BLOC1S5: variants seen among roughly 807,000 people sequenced by gnomAD.
BLOC1S5 encodes the protein biogenesis of lysosome-related organelles complex 1 subunit 5.
BLOC1S5 carries 27 observed loss-of-function variants against 24.3 expected under a neutral mutation model. The observed-to-expected ratio is 1.11, with a 90% CI of 0.82 to 1.53. The LOEUF (loss-of-function observed/expected upper bound fraction) is 1.53. Ranked by LOEUF, BLOC1S5 falls within the 40% of genes most tolerant of loss-of-function variation. The probability of loss-of-function intolerance (pLI) is 0.00; values close to 1 mark genes in which losing one functional copy is unlikely to be tolerated. For synonymous variants in BLOC1S5, 84 were observed against 74.5 expected (o/e 1.13, Z -0.66); for missense variants, 239 against 229.4 (o/e 1.04, Z -0.27).
intron 3 of BLOC1S5, among the ~76,000 whole-genome samples, chr6:8,038,883 C>A (rs1044225148): frequency 6.6e-6 from 1 of 152,156 alleles, no homozygotes; most frequent in Non-Finnish European, 1.5e-5. Flanking sequence ...TAAATTAGTA[C>A]AACCACTATG....
At chr6:8,061,168 C>T (rs918983771) in intron 2 of BLOC1S5, among the ~76,000 whole-genome samples, 8 of 152,090 alleles carry the variant, frequency 5.3e-5, no homozygotes, top group Admixed American at 1.3e-4. Context: ...CTTTACACAG[C>T]ACGGTAAAGG....
chr6:8,017,053 G>A (rs1354446698), intron 4 of BLOC1S5, among the ~76,000 whole-genome samples: 1 of 151,874 alleles, frequency 6.6e-6, no homozygotes, highest in African/African-American at 2.4e-5. Flanking sequence ...TAGATAAAAT[G>A]CTGTATAAAT....
At chr6:8,016,476 G>T (rs1171044778) in intron 4 of BLOC1S5, among the ~76,000 whole-genome samples, 1 of 151,954 alleles carries the variant, frequency 6.6e-6, no homozygotes, top group Non-Finnish European at 1.5e-5. Context: ...TATGCTAAAA[G>T]AATCATTGCT....
intron 1 of BLOC1S5, among the ~76,000 whole-genome samples, 157 bp downstream of exon 1, chr6:8,064,108 G>T (rs1375381995): frequency 6.6e-6 from 1 of 152,216 alleles, no homozygotes; most frequent in African/African-American, 2.4e-5. Context: ...CGCATTTGGC[G>T]CGGGGAAAAA....
At position 8,026,443 on chromosome 6, in the gene BLOC1S5, T is replaced by C. The variant is rs1431786180; in HGVS notation, c.326-18A>G. 3.1e-6 allele frequency: 5 copies of C among 1,609,064 alleles called. No homozygotes were observed. The highest frequency in any genetic ancestry group is 2.2e-5 in the South Asian group (2 of 90,930). On this transcript the variant is annotated intron_variant, in intron 3 of 4. Transcript: ENST00000397457. The stretch of plus-strand genomic sequence containing the variant: ...TGCTTGCACTGAAATGAAAAAGACA[T>C]GGGTTTTCAGTCAGCAGACCATGTT...
chr6:8,030,563 C>T (rs1477361527), intron 3 of BLOC1S5, among the ~76,000 whole-genome samples: 2 of 151,718 alleles, frequency 1.3e-5, no homozygotes, highest in Non-Finnish European at 2.9e-5. Context: ...ATGAATCAAG[C>T]AGAGGAGAGT....
intron 2 of BLOC1S5, among the ~76,000 whole-genome samples, chr6:8,042,140 T>C (rs1019883740): frequency 1.3e-5 from 2 of 152,096 alleles, no homozygotes; most frequent in East Asian, 1.9e-4. Flanking sequence ...TGTTAAAAAA[T>C]TGGCAAGAGA....
chr6:8,039,242 T>G (rs964458750), intron 3 of BLOC1S5, among the ~76,000 whole-genome samples: 1 of 152,106 alleles, frequency 6.6e-6, no homozygotes, highest in Admixed American at 6.5e-5. Flanking sequence ...AAGAAATGGA[T>G]CTCATGAATA....
At chr6:8,058,150 C>T (rs1764379727) in intron 2 of BLOC1S5, among the ~76,000 whole-genome samples, 1 of 152,058 alleles carries the variant, frequency 6.6e-6, no homozygotes. Flanking sequence ...ATGCCTATAA[C>T]AGAGACTGCT....
At chr6:8,035,977 T>C (rs1181112647) in intron 3 of BLOC1S5, among the ~76,000 whole-genome samples, 4 of 152,152 alleles carry the variant, frequency 2.6e-5, no homozygotes, top group Admixed American at 2.6e-4. Context: ...GATCATATCT[T>C]AGGCCACAAA....
At chr6:8,059,472 C>T (rs1240160878) in intron 2 of BLOC1S5, among the ~76,000 whole-genome samples, 1 of 152,074 alleles carries the variant, frequency 6.6e-6, no homozygotes, top group Non-Finnish European at 1.5e-5. Flanking sequence ...CTTAAAGTAA[C>T]CTACATTCAA....
intron 4 of BLOC1S5, among the ~76,000 whole-genome samples, chr6:8,023,823 CAT>C (rs1442792865): frequency 7.1e-6 from 1 of 140,612 alleles, no homozygotes; most frequent in East Asian, 1.9e-4. Flanking sequence ...TGTGCGTGCA[CAT>C]GTGTATATGT....
intron 3 of BLOC1S5, among the ~76,000 whole-genome samples, chr6:8,040,922 T>C (rs1434567010): frequency 1.3e-5 from 2 of 152,076 alleles, no homozygotes; most frequent in Non-Finnish European, 2.9e-5. Context: ...ACTAAACAGA[T>C]TGTCTCGTGT....
intron 3 of BLOC1S5, among the ~76,000 whole-genome samples, chr6:8,040,672 A>G (rs997236677): frequency 1.3e-5 from 2 of 152,184 alleles, no homozygotes; most frequent in Non-Finnish European, 2.9e-5. Flanking sequence ...CTTGGCCAAC[A>G]TGGTGAAACC....
intron 3 of BLOC1S5, among the ~76,000 whole-genome samples, chr6:8,038,337 G>A (rs1379137067): frequency 6.6e-6 from 1 of 152,012 alleles, no homozygotes; most frequent in Admixed American, 6.6e-5. Context: ...TTTAAAAATA[G>A]GCAAAGATCT....
At chr6:8,026,478 A>T in intron 3 of BLOC1S5, 53 bp from the exon 4 acceptor site, 1 of 1,424,624 alleles carries the variant, frequency 7.0e-7, no homozygotes, top group East Asian at 2.3e-5. Flanking sequence ...TCAAGGAAAC[A>T]CATACCTGGG....
At chr6:8,057,332 C>T (rs1175197806) in intron 2 of BLOC1S5, among the ~76,000 whole-genome samples, 6 of 152,158 alleles carry the variant, frequency 3.9e-5, no homozygotes, top group African/African-American at 9.7e-5. Context: ...ATCTGGTGTG[C>T]GTTTGTTTTT....
At chr6:8,019,773 T>C (rs1247949021) in intron 4 of BLOC1S5, among the ~76,000 whole-genome samples, 4 of 152,184 alleles carry the variant, frequency 2.6e-5, no homozygotes, top group African/African-American at 9.7e-5. Flanking sequence ...CATTTACAAA[T>C]ACTGCACATG....
At chr6:8,033,496 T>A (rs556327600) in intron 3 of BLOC1S5, among the ~76,000 whole-genome samples, 52 of 152,304 alleles carry the variant, frequency 3.4e-4, no homozygotes, top group African/African-American at 8.7e-4. Flanking sequence ...ATTAAAGACT[T>A]AAACGTTAGA....
Sources: gnomAD v4.1 joint callset for allele counts (sites outside exome capture counted in the v4.1 genomes callset) on GRCh38, gnomAD v4.1.1 for gene constraint, MANE v1.5 for transcripts, NCBI Gene and HGNC (gene_info 2026-07-23, HGNC 2026-07-21) for gene names.